SGCZ: variants seen among roughly 807,000 people sequenced by gnomAD.
SGCZ encodes the protein zeta-sarcoglycan.
In SGCZ, 40 loss-of-function variants were observed where a neutral mutation model predicts 41.3. The observed-to-expected ratio is 0.97, with a 90% confidence interval of 0.75 to 1.26. The LOEUF is 1.26. Among genes scored for constraint, SGCZ ranks in the 50% most tolerant of loss-of-function variants. SGCZ has a pLI of 0.00. For synonymous variants in SGCZ, 206 were observed against 137.5 expected, an observed-to-expected ratio of 1.50 and a Z score of -3.49; for missense variants, 552 against 369.8, an observed-to-expected ratio of 1.49 and a Z score of -4.04.
At chr8:15,095,764 G>A (rs980414987) in intron 1 of SGCZ, among the ~76,000 whole-genome samples, 4 of 152,066 alleles carry the variant, frequency 2.6e-5, no homozygotes, top group Admixed American at 6.5e-5. Context: ...AAAACTTTAC[G>A]ATTTTCAATG....
At chr8:14,239,126 A>C (rs931182814) in intron 3 of SGCZ, among the ~76,000 whole-genome samples, 3 of 152,066 alleles carry the variant, frequency 2.0e-5, no homozygotes, top group Non-Finnish European at 4.4e-5. Context: ...ATCAAGTGAT[A>C]TATCCAAATT....
At chr8:15,064,047 A>T (rs1805034854) in intron 1 of SGCZ, among the ~76,000 whole-genome samples, 1 of 152,048 alleles carries the variant, frequency 6.6e-6, no homozygotes, top group Non-Finnish European at 1.5e-5. Context: ...ATATTTCAGG[A>T]TATTTCTTTT....
At chr8:14,580,171 C>A (rs1401587922) in intron 1 of SGCZ, among the ~76,000 whole-genome samples, 1 of 152,132 alleles carries the variant, frequency 6.6e-6, no homozygotes, top group East Asian at 1.9e-4. Context: ...AAAGAAAAGG[C>A]AAATGCAGCC....
At chr8:14,210,150 C>T (rs1431770933) in intron 4 of SGCZ, among the ~76,000 whole-genome samples, 1 of 152,258 alleles carries the variant, frequency 6.6e-6, no homozygotes, top group South Asian at 2.1e-4. Flanking sequence ...CTCCGCCTAC[C>T]AGGCTCAAGC....
intron 1 of SGCZ, among the ~76,000 whole-genome samples, chr8:14,841,221 A>C (rs2130627194): frequency 6.6e-6 from 1 of 152,282 alleles, no homozygotes; most frequent in African/African-American, 2.4e-5. Context: ...GGGCTGTATC[A>C]ACCATCAAAT....
chr8:15,054,290 C>T (rs1427747330), intron 1 of SGCZ, among the ~76,000 whole-genome samples: 1 of 152,190 alleles, frequency 6.6e-6, no homozygotes, highest in African/African-American at 2.4e-5. Flanking sequence ...GATGTTAATT[C>T]ATATGAGTCA....
intron 1 of SGCZ, among the ~76,000 whole-genome samples, chr8:14,561,199 A>C (rs927238097): frequency 6.6e-6 from 1 of 152,170 alleles, no homozygotes; most frequent in African/African-American, 2.4e-5. Flanking sequence ...TTTAGCTTTA[A>C]ATGTTTAATA....
chr8:14,668,691 C>G (rs1807993600), intron 1 of SGCZ, among the ~76,000 whole-genome samples: 1 of 152,108 alleles, frequency 6.6e-6, no homozygotes, highest in Non-Finnish European at 1.5e-5. Context: ...ACTATACTGT[C>G]ACAGAACAGC....
intron 1 of SGCZ, among the ~76,000 whole-genome samples, chr8:14,664,733 T>C (rs1390897314): frequency 6.6e-6 from 1 of 152,194 alleles, no homozygotes; most frequent in Non-Finnish European, 1.5e-5. Context: ...ATTTTAAAAA[T>C]CTAATATCAG....
chr8:14,246,715 G>A (rs1799105821), intron 3 of SGCZ, among the ~76,000 whole-genome samples: 1 of 151,694 alleles, frequency 6.6e-6, no homozygotes, highest in South Asian at 2.1e-4. Flanking sequence ...AGACCATCCT[G>A]GCTGACATGG....
chr8:15,189,367 C>A (rs916427026), intron 1 of SGCZ, among the ~76,000 whole-genome samples: 10 of 152,118 alleles, frequency 6.6e-5, no homozygotes, highest in African/African-American at 2.4e-4. Flanking sequence ...GGAATCATGA[C>A]CTCCTGAAAG....
intron 3 of SGCZ, among the ~76,000 whole-genome samples, chr8:14,251,901 G>T (rs1299421895): frequency 6.6e-6 from 1 of 151,976 alleles, no homozygotes; most frequent in Non-Finnish European, 1.5e-5. Flanking sequence ...GTAGAGACGG[G>T]GTTTTGCAAT....
intron 1 of SGCZ, among the ~76,000 whole-genome samples, chr8:15,037,539 A>C (rs2130970126): frequency 6.6e-6 from 1 of 152,326 alleles, no homozygotes; most frequent in South Asian, 2.1e-4. Flanking sequence ...AAAATGTTGA[A>C]AGTTTTCCTC....
intron 7 of SGCZ, among the ~76,000 whole-genome samples, chr8:14,101,614 G>A (rs1802023699): frequency 1.1e-5 from 1 of 89,046 alleles, no homozygotes; most frequent in Non-Finnish European, 3.5e-5. Flanking sequence ...AGGTAATATA[G>A]AAGAAAAATA....
intron 1 of SGCZ, among the ~76,000 whole-genome samples, chr8:14,988,536 C>T (rs1801902899): frequency 6.6e-6 from 1 of 151,778 alleles, no homozygotes; most frequent in African/African-American, 2.4e-5. Flanking sequence ...CTTCCCTTTA[C>T]TATAAGGTAG....
At chr8:14,382,829 G>C (rs1804419937) in intron 2 of SGCZ, among the ~76,000 whole-genome samples, 1 of 152,264 alleles carries the variant, frequency 6.6e-6, no homozygotes, top group South Asian at 2.1e-4. Context: ...CTTTGTCAGA[G>C]AACAAATTCA....
At chr8:14,629,377 A>C (rs1014533162) in intron 1 of SGCZ, among the ~76,000 whole-genome samples, 5 of 152,104 alleles carry the variant, frequency 3.3e-5, no homozygotes, top group Admixed American at 1.3e-4. Context: ...TAAATAATGT[A>C]AAAATAAAGA....
chr8:14,547,375 A>C (rs1803663428), intron 2 of SGCZ, among the ~76,000 whole-genome samples: 1 of 152,206 alleles, frequency 6.6e-6, no homozygotes, highest in African/African-American at 2.4e-5. Flanking sequence ...TCATCAAAAT[A>C]ACAATGATGG....
intron 2 of SGCZ, among the ~76,000 whole-genome samples, chr8:14,378,015 C>A (rs1443660828): frequency 1.3e-5 from 2 of 149,278 alleles, no homozygotes; most frequent in East Asian, 1.9e-4. Context: ...TTTATAGCAG[C>A]ATGATTTATA....
Sources: gnomAD v4.1 joint callset for allele counts (sites outside exome capture counted in the v4.1 genomes callset) on GRCh38, gnomAD v4.1.1 for gene constraint, MANE v1.5 for transcripts, NCBI Gene and HGNC (gene_info 2026-07-23, HGNC 2026-07-21) for gene names.